Variants in KAZN observed in about 807,000 individuals in gnomAD.
KAZN encodes the protein kazrin, periplakin interacting protein.
In KAZN, 40 loss-of-function variants were observed where a neutral mutation model predicts 87.4. The observed-to-expected ratio is 0.46, with a 90% CI of 0.36 to 0.60. The LOEUF (loss-of-function observed/expected upper bound fraction) is 0.60. KAZN is among the 20% of genes least tolerant of loss of function. The probability of loss-of-function intolerance (pLI) is 0.00; values close to 1 mark genes in which losing one functional copy is unlikely to be tolerated. For synonymous variants in KAZN, 466 were observed against 458.3 expected, an observed-to-expected ratio of 1.02 and a Z score of -0.22; for missense variants, 898 against 1,073.9, an observed-to-expected ratio of 0.84 and a Z score of 2.29.
At chr1:14,664,033 C>T (rs1396662842) in intron 1 of KAZN, among the ~76,000 whole-genome samples, 2 of 152,162 alleles carry the variant, frequency 1.3e-5, no homozygotes, top group Non-Finnish European at 2.9e-5. Flanking sequence ...GATGGGTCGA[C>T]CTTAGGGATA....
intron 3 of KAZN, among the ~76,000 whole-genome samples, chr1:15,037,683 C>A (rs1401476284): frequency 6.6e-6 from 1 of 152,154 alleles, no homozygotes. Context: ...CCTCTGCCGG[C>A]CCCTCACCTG....
chr1:14,873,577 G>A (rs190732257), intron 1 of KAZN, among the ~76,000 whole-genome samples: 69 of 152,324 alleles, frequency 4.5e-4, no homozygotes, highest in East Asian at 2.7e-3. Context: ...TAAAAGGAGA[G>A]GAGGTCAGAG....
Position 15,052,281 on chromosome 1 carries a change from T to C in KAZN, c.727-3810T>C, listed in dbSNP as rs12041272. ...CATGGCTGGGGAGGCCTCACAATCA[T>C]AGTGAAAGGTGAAGGAGGAGCAAAG... On this transcript the variant is annotated intron_variant, in intron 4 of 14. Coordinates refer to ENST00000376030, the MANE Select transcript of KAZN (RefSeq NM_201628.3). Among the ~76,000 whole-genome samples, 652 of 152,154 alleles carry C rather than the reference T, an allele frequency of 4.3e-3. 3 individuals are homozygous for C. The highest frequency in any genetic ancestry group is 0.042 in the South Asian group (203 of 4,822).
intron 2 of KAZN, among the ~76,000 whole-genome samples, chr1:14,180,848 C>T (rs1646182583): frequency 6.6e-6 from 1 of 152,076 alleles, no homozygotes; most frequent in African/African-American, 2.4e-5. Context: ...AACAGATCTC[C>T]CATTAGCCTT....
chr1:15,094,480 G>C lies in KAZN; in HGVS notation c.1428+95G>C. Reference sequence around the variant, plus strand: ...GCCTGCCCCCCACTCCTACCCTGGAGTCAGGAGAAGGTGCAATCTAGGAGC... The same window carrying C: ...GCCTGCCCCCCACTCCTACCCTGGACTCAGGAGAAGGTGCAATCTAGGAGC... On this transcript the variant is annotated intron_variant, in intron 9 of 14. Coordinates refer to ENST00000376030, the MANE Select transcript of KAZN (RefSeq NM_201628.3). This position sits in a 1 kb window ranked among gnomAD's most constrained non-coding sequence, Gnocchi z 4.5. The C allele has an allele frequency of 8.5e-7, 1 of 1,177,864 alleles. No homozygotes were observed. The highest frequency in any genetic ancestry group is 2.1e-5 in the Admixed American group (1 of 47,378). 73.0% of individuals were successfully genotyped at this position (1,177,864 alleles called of 1,614,324 possible).
rs115112829 is a variant in KAZN at position 14,868,135 on chromosome 1, C to T, written c.227-92549C>T. ...TTGCATACACGGGCATCACATAGCACGGCATCACATACGCAGCCATCGCAT... is the reference window on the plus strand; with the variant it reads ...TTGCATACACGGGCATCACATAGCATGGCATCACATACGCAGCCATCGCAT... On this transcript the variant is annotated intron_variant, in intron 1 of 14. Coordinates refer to ENST00000376030, the MANE Select transcript of KAZN (RefSeq NM_201628.3). Among the ~76,000 whole-genome samples, 1,075 of 151,486 alleles carry T rather than the reference C, an allele frequency of 7.1e-3. 11 individuals carry two copies. Among genetic ancestry groups the T allele is most frequent in the African/African-American group, 0.025 (1,016 of 41,326 alleles).
intron 1 of KAZN, chr1:14,124,445 T>A (rs1644818881): frequency 6.6e-6 from 1 of 152,224 alleles, no homozygotes; most frequent in Admixed American, 6.5e-5. Flanking sequence ...CTGGGTTCAG[T>A]CTCATCTTAA....
intron 4 of KAZN, among the ~76,000 whole-genome samples, chr1:15,051,416 GC>G (rs1256462114): frequency 1.3e-5 from 2 of 152,364 alleles, no homozygotes; most frequent in African/African-American, 4.8e-5. Flanking sequence ...GGCTCAGGGA[GC>G]GCATAAGTAA....
intron 2 of KAZN, among the ~76,000 whole-genome samples, chr1:14,325,540 A>G (rs1656350244): frequency 6.6e-6 from 1 of 151,948 alleles, no homozygotes; most frequent in South Asian, 2.1e-4. Flanking sequence ...GAAAAGTAGG[A>G]GAGAGAGAAA....
At chr1:14,812,777 G>A (rs770969433) in intron 1 of KAZN, among the ~76,000 whole-genome samples, 12 of 151,946 alleles carry the variant, frequency 7.9e-5, no homozygotes, top group Non-Finnish European at 1.3e-4. Context: ...GCTTCCCAAC[G>A]CATTGGGATT....
intron 1 of KAZN, among the ~76,000 whole-genome samples, chr1:14,045,817 A>G (rs1050850188): frequency 6.6e-6 from 1 of 152,228 alleles, no homozygotes; most frequent in East Asian, 1.9e-4. Context: ...TTAACATAGT[A>G]CCTATAAAAT....
chr1:13,990,038 A>C (rs998607773), intron 1 of KAZN, among the ~76,000 whole-genome samples: 2 of 152,240 alleles, frequency 1.3e-5, no homozygotes, highest in African/African-American at 4.8e-5. Context: ...CATTGCCAAT[A>C]GGGAGACTGA....
At position 14,991,091 on chromosome 1, in the gene KAZN, G is replaced by T. The variant is rs74616776; in HGVS notation, c.418+30216G>T. ...CCCTTGGCCGGGCGCAGAGGCTCGT[G>T]CCTGTAATCCTAGCACTTTGGGAGG... On this transcript the variant is annotated intron_variant, in intron 2 of 14. Transcript: ENST00000376030. Among the ~76,000 whole-genome samples, 148 of 152,018 alleles carry T rather than the reference G, an allele frequency of 9.7e-4. 3 individuals are homozygous for T. The East Asian group carries it at 0.027, about 27-fold the overall frequency.
intron 2 of KAZN, among the ~76,000 whole-genome samples, chr1:14,567,261 G>A (rs956955841): frequency 1.3e-5 from 2 of 152,144 alleles, no homozygotes; most frequent in African/African-American, 4.8e-5. Flanking sequence ...ATGGGGAAAC[G>A]GCCAGTTGGT....
intron 1 of KAZN, among the ~76,000 whole-genome samples, chr1:14,803,442 A>C (rs1420167079): frequency 6.6e-6 from 1 of 152,170 alleles, no homozygotes; most frequent in Non-Finnish European, 1.5e-5. Context: ...AGGACCAGGG[A>C]GTGAGATGCT....
At chr1:14,263,170 C>G (rs1322322274) in intron 2 of KAZN, among the ~76,000 whole-genome samples, 1 of 152,168 alleles carries the variant, frequency 6.6e-6, no homozygotes, top group African/African-American at 2.4e-5. Flanking sequence ...AACTTTACTT[C>G]CCAGGGTTTC....
At chr1:14,012,192 CT>C (rs57212741) in intron 1 of KAZN, among the ~76,000 whole-genome samples, 16,983 of 152,176 alleles carry the variant, frequency 0.11, 1,203 homozygotes, top group South Asian at 0.22. Context: ...TACATCATGT[CT>C]TGTTTTATTT....
intron 1 of KAZN, among the ~76,000 whole-genome samples, chr1:14,802,007 G>A (rs999612712): frequency 1.2e-4 from 18 of 151,938 alleles, no homozygotes; most frequent in African/African-American, 3.1e-4. Context: ...TTTTCTCTGC[G>A]CTGAAGAGAG....
intron 2 of KAZN, among the ~76,000 whole-genome samples, chr1:14,452,140 A>G (rs1667312913): frequency 6.6e-6 from 1 of 152,032 alleles, no homozygotes; most frequent in African/African-American, 2.4e-5. Flanking sequence ...GGGTTTCACC[A>G]TGTTGGCTAG....
Sources: gnomAD v4.1 joint callset for allele counts (sites outside exome capture counted in the v4.1 genomes callset) on GRCh38, gnomAD v4.1.1 for gene constraint, Gnocchi (gnomAD v3.1) non-coding constraint, MANE v1.5 for transcripts, NCBI Gene and HGNC (gene_info 2026-07-23, HGNC 2026-07-21) for gene names.